Variants in NSMCE2 observed in about 807,000 individuals in gnomAD.
The protein encoded by NSMCE2 is NSE2 SUMO ligase component of SMC5/6 complex.
Under a neutral mutation model 23.8 loss-of-function variants are expected in NSMCE2, and 24 were observed. The ratio of observed to expected loss-of-function variants is 1.01; its 90% CI spans 0.73 to 1.42. The LOEUF is 1.42. NSMCE2 is among the 40% of genes most tolerant of loss of function. The pLI, the probability that NSMCE2 is intolerant of heterozygous loss-of-function variation, is 0.00. For missense variants in NSMCE2, 284 were observed against 296.5 expected, an observed-to-expected ratio of 0.96 and a Z score of 0.31; for synonymous variants, 92 against 94.1, an observed-to-expected ratio of 0.98 and a Z score of 0.13.
intron 3 of NSMCE2, among the ~76,000 whole-genome samples, chr8:125,118,394 A>C (rs976096968): frequency 5.9e-5 from 9 of 151,596 alleles, no homozygotes; most frequent in African/African-American, 1.7e-4. Context: ...CAAACAAACA[A>C]ACACACACAC....
At chr8:125,142,262 A>G (rs1820412446) in intron 3 of NSMCE2, among the ~76,000 whole-genome samples, 1 of 151,976 alleles carries the variant, frequency 6.6e-6, no homozygotes, top group Admixed American at 6.5e-5. Context: ...AGTTACTGTT[A>G]TTGTACCCAT....
chr8:125,309,278 G>A (rs537227706), intron 5 of NSMCE2, among the ~76,000 whole-genome samples: 57 of 149,264 alleles, frequency 3.8e-4, no homozygotes, highest in Non-Finnish European at 1.8e-4. Context: ...AAAGAATTGT[G>A]TTGTGAAACC....
At chr8:125,241,880 C>T (rs906230401) in intron 5 of NSMCE2, among the ~76,000 whole-genome samples, 1 of 152,198 alleles carries the variant, frequency 6.6e-6, no homozygotes, top group East Asian at 1.9e-4. Context: ...GAGAGACACC[C>T]TGTCTGTCCT....
intron 5 of NSMCE2, among the ~76,000 whole-genome samples, chr8:125,247,615 C>A (rs543097891): frequency 1.3e-5 from 2 of 151,832 alleles, no homozygotes; most frequent in African/African-American, 4.8e-5. Flanking sequence ...ATCCCAGCTA[C>A]TCGGGAGGCT....
At chr8:125,328,053 T>C (rs1829742810) in intron 5 of NSMCE2, among the ~76,000 whole-genome samples, 1 of 152,170 alleles carries the variant, frequency 6.6e-6, no homozygotes. Context: ...ACTGTTTGCT[T>C]TAGTGAGACT....
At chr8:125,266,458 AACAAAC>A (rs1392712169) in intron 5 of NSMCE2, among the ~76,000 whole-genome samples, 1 of 152,362 alleles carries the variant, frequency 6.6e-6, no homozygotes, top group African/African-American at 2.4e-5. Context: ...TCATAACAAG[AACAAAC>A]ACAATTAACA....
At chr8:125,130,722 A>T (rs1819733536) in intron 3 of NSMCE2, among the ~76,000 whole-genome samples, 1 of 152,144 alleles carries the variant, frequency 6.6e-6, no homozygotes, top group Non-Finnish European at 1.5e-5. Context: ...TTGTATGTGT[A>T]TTCATCTGTA....
At chr8:125,310,896 T>A (rs900940550) in intron 5 of NSMCE2, among the ~76,000 whole-genome samples, 1 of 152,252 alleles carries the variant, frequency 6.6e-6, no homozygotes, top group East Asian at 1.9e-4. Context: ...ATGTTTGTGA[T>A]CACTTGTAAT....
intron 5 of NSMCE2, among the ~76,000 whole-genome samples, chr8:125,205,484 C>A (rs946245341): frequency 6.6e-6 from 1 of 152,172 alleles, no homozygotes; most frequent in Non-Finnish European, 1.5e-5. Context: ...GTATCTGCTG[C>A]TTTTGGTGAT....
In NSMCE2 at chr8:125,250,985, T is replaced by C. The variant is rs535681725; in HGVS notation, c.418+68729T>C. Among the ~76,000 whole-genome samples the C allele has an allele frequency of 7.9e-4, 121 of 152,320 alleles. 1 individual carries two copies. The highest frequency in any genetic ancestry group is 2.5e-3 in the African/African-American group (106 of 41,574). On this transcript the variant is annotated intron_variant, in intron 5 of 7. Transcript: ENST00000287437. ...CATGCACAATATGATCCTATTTTTA[T>C]AAAATATATTTTAATTTATGATATG...
intron 5 of NSMCE2, among the ~76,000 whole-genome samples, chr8:125,252,184 A>AT (rs1372962681): frequency 6.6e-6 from 1 of 152,210 alleles, no homozygotes; most frequent in Non-Finnish European, 1.5e-5. Context: ...AAGCTAATGT[A>AT]TGAGACTGGA....
chr8:125,281,528 C>G (rs1270693142), intron 5 of NSMCE2, among the ~76,000 whole-genome samples: 3 of 152,084 alleles, frequency 2.0e-5, no homozygotes, highest in African/African-American at 7.2e-5. Flanking sequence ...CAGCCTCCAC[C>G]TCCCGGGTTC....
At chr8:125,252,783 A>G (rs1448653192) in intron 5 of NSMCE2, among the ~76,000 whole-genome samples, 1 of 152,250 alleles carries the variant, frequency 6.6e-6, no homozygotes, top group Non-Finnish European at 1.5e-5. Context: ...GTATAAGTCT[A>G]TTTAAGCAGT....
intron 3 of NSMCE2, among the ~76,000 whole-genome samples, chr8:125,141,452 A>G (rs994935128): frequency 6.6e-6 from 1 of 152,164 alleles, no homozygotes; most frequent in Admixed American, 6.6e-5. Flanking sequence ...TAACTCCATC[A>G]TTTATTAACT....
chr8:125,108,926 T>C (rs1586438737), intron 3 of NSMCE2, among the ~76,000 whole-genome samples: 1 of 152,206 alleles, frequency 6.6e-6, no homozygotes, highest in African/African-American at 2.4e-5. Context: ...GTTTGAACCT[T>C]ATCATTGGAA....
intron 5 of NSMCE2, among the ~76,000 whole-genome samples, chr8:125,296,675 T>G (rs1828341156): frequency 6.6e-6 from 1 of 152,090 alleles, no homozygotes. Context: ...GGATTACAGA[T>G]GTGAGTCACC....
chr8:125,225,371 C>T (rs1001440288), intron 5 of NSMCE2, among the ~76,000 whole-genome samples: 2 of 152,212 alleles, frequency 1.3e-5, no homozygotes, highest in African/African-American at 2.4e-5. Context: ...ACTCCATTCA[C>T]CTCAAACCCA....
chr8:125,289,348 A>G (rs566286362), intron 5 of NSMCE2, among the ~76,000 whole-genome samples: 2 of 152,268 alleles, frequency 1.3e-5, no homozygotes, highest in East Asian at 3.9e-4. Context: ...TTGCGTTTGA[A>G]CATGTATTGC....
At chr8:125,299,891 TCG>T (rs1292266168) in intron 5 of NSMCE2, among the ~76,000 whole-genome samples, 1 of 134,408 alleles carries the variant, frequency 7.4e-6, no homozygotes, top group Non-Finnish European at 1.5e-5. Context: ...GAATCTCGGC[TCG>T]CTGCAGCCTC....
Sources: gnomAD v4.1 joint callset for allele counts (sites outside exome capture counted in the v4.1 genomes callset) on GRCh38, gnomAD v4.1.1 for gene constraint, MANE v1.5 for transcripts, NCBI Gene and HGNC (gene_info 2026-07-23, HGNC 2026-07-21) for gene names.